Variants in ABLIM2 observed in about 807,000 individuals in gnomAD.
ABLIM2 encodes the protein actin binding LIM protein family member 2, also known as actin-binding LIM protein 2.
ABLIM2 carries 53 observed loss-of-function variants against 97.7 expected under a neutral mutation model. That is an observed-to-expected ratio of 0.54 (90% CI 0.44 to 0.68). The LOEUF (loss-of-function observed/expected upper bound fraction) is 0.68, where lower values mean the gene tolerates loss of function less well. Among genes scored for constraint, ABLIM2 ranks in the 30% least tolerant of loss-of-function variants. The pLI is 0.00. For synonymous variants in ABLIM2, 361 were observed against 345.8 expected (o/e 1.04, Z -0.49); for missense variants, 835 against 867.2 (o/e 0.96, Z 0.47).
At chr4:8,028,921 T>C (rs1275859974) in intron 11 of ABLIM2, among the ~76,000 whole-genome samples, 5 of 152,202 alleles carry the variant, frequency 3.3e-5, no homozygotes, top group Admixed American at 6.5e-5. Context: ...CATGGATGTA[T>C]AAATGGAGGC....
intron 8 of ABLIM2, among the ~76,000 whole-genome samples, chr4:8,051,240 T>C (rs940593745): frequency 1.3e-5 from 2 of 152,074 alleles, no homozygotes; most frequent in African/African-American, 2.4e-5. Flanking sequence ...TTCAGTGTGG[T>C]AGGAGTTATT....
At chr4:8,138,796 G>A (rs959972279) in intron 1 of ABLIM2, among the ~76,000 whole-genome samples, 5 of 152,200 alleles carry the variant, frequency 3.3e-5, no homozygotes, top group Non-Finnish European at 7.3e-5. Context: ...CAGGACACAG[G>A]TATGGGCAAA....
Position 7,980,203 on chromosome 4 carries a change from G to A in ABLIM2, c.1824+3061C>T, listed in dbSNP as rs563600896. Among the ~76,000 whole-genome samples, 5 of 152,262 alleles carry A rather than the reference G, an allele frequency of 3.3e-5. No homozygotes were observed. In the East Asian group the frequency reaches 5.8e-4, roughly 18 times the overall value. Reference sequence around the variant, plus strand: ...TACAAACCTAGTTCAGGCCATGAAGGGAAGAGGGGGCGAGTCAGACATGTC... The same window carrying A: ...TACAAACCTAGTTCAGGCCATGAAGAGAAGAGGGGGCGAGTCAGACATGTC... On this transcript the variant is annotated intron_variant, in intron 20 of 20. Coordinates refer to ENST00000447017, the MANE Select transcript of ABLIM2 (RefSeq NM_001130083.2).
intron 6 of ABLIM2, among the ~76,000 whole-genome samples, chr4:8,064,761 G>A (rs1805894032): frequency 6.6e-6 from 1 of 152,042 alleles, no homozygotes; most frequent in South Asian, 2.1e-4. Context: ...GTGCCCTTGG[G>A]GACTCACGGG....
intron 6 of ABLIM2, among the ~76,000 whole-genome samples, chr4:8,063,578 C>T (rs1016264268): frequency 5.9e-5 from 9 of 152,236 alleles, no homozygotes; most frequent in Non-Finnish European, 7.3e-5. Context: ...GGTAGAGCTG[C>T]GGTTACAGTC....
chr4:8,109,254 A>G (rs13140095), intron 1 of ABLIM2, among the ~76,000 whole-genome samples: 27,674 of 152,212 alleles, frequency 0.18, 3,260 homozygotes, highest in Non-Finnish European at 0.26. Context: ...GGCAGCCTGC[A>G]GGTGATGGGG....
intron 3 of ABLIM2, among the ~76,000 whole-genome samples, chr4:8,090,049 T>C (rs958045255): frequency 3.3e-5 from 5 of 152,202 alleles, no homozygotes; most frequent in African/African-American, 9.6e-5. Context: ...GGTGTGTTCC[T>C]GGGTTCCCAC....
chr4:8,144,772 C>T (rs1430481667), intron 1 of ABLIM2, among the ~76,000 whole-genome samples: 1 of 152,246 alleles, frequency 6.6e-6, no homozygotes, highest in African/African-American at 2.4e-5. Context: ...TTATGACCCC[C>T]GCTATGCTGC....
Position 8,005,547 on chromosome 4 carries a change from ACCCCG to A in ABLIM2, c.1618+2507_1618+2511del. ...GGGCTACTTGGTGACAATCAAAAGA[ACCCCG>A]AGAGAAAAAAAAGGGTGGCTCCCTC... On this transcript the variant is annotated intron_variant, in intron 16 of 20. Coordinates refer to ENST00000447017, the MANE Select transcript of ABLIM2 (RefSeq NM_001130083.2). This position sits in a 1 kb window ranked among gnomAD's most constrained non-coding sequence, Gnocchi z 4.9. The A allele has an allele frequency of 6.1e-6, 3 of 489,446 alleles. No individual in the cohort carries two copies. Among genetic ancestry groups the A allele is most frequent in the Admixed American group, 4.1e-5 (2 of 49,268 alleles). 30.3% of individuals were successfully genotyped at this position (489,446 alleles called of 1,614,324 possible).
Position 8,114,075 on chromosome 4 carries a change from G to A in ABLIM2, c.11-7438C>T, listed in dbSNP as rs557622015. Among the ~76,000 whole-genome samples the A allele has an allele frequency of 4.6e-5, 7 of 152,362 alleles. No individual in the cohort carries two copies. The East Asian group carries it at 9.7e-4, about 21-fold the overall frequency. On this transcript the variant is annotated intron_variant, in intron 1 of 20. Coordinates refer to ENST00000447017, the MANE Select transcript of ABLIM2 (RefSeq NM_001130083.2). ...CTCAGCTCACCTTCATTGCGGCACA[G>A]CCCTGACACATGGGTGGCTGCTGTC...
At position 8,077,648 on chromosome 4, in the gene ABLIM2, T is replaced by G. The variant is rs370110522; in HGVS notation, c.655A>C (p.Ile219Leu). The G allele has an allele frequency of 6.2e-7, 1 of 1,612,174 alleles. No individual in the cohort carries two copies. Among genetic ancestry groups the G allele is most frequent in the African/African-American group, 1.3e-5 (1 of 74,916 alleles). Residue 219 changes from isoleucine (I) to leucine (L), a missense_variant, in exon 6 of 21, where the codon ATC becomes CTC. Transcript: ENST00000447017. The stretch of plus-strand genomic sequence containing the variant: ...CTTACCTCCAGCACGCGCCCCGTGA[T>G]GTATTTCTCACAGCTGTCACAGCGG... ...GIRCDSCEKY[I>L]TGRVLEAGEK...
intron 1 of ABLIM2, among the ~76,000 whole-genome samples, chr4:8,136,953 G>A (rs772461894): frequency 3.9e-5 from 6 of 152,180 alleles, no homozygotes; most frequent in Non-Finnish European, 7.4e-5. Flanking sequence ...TAGGAGCTGG[G>A]CCCTTGGGAG....
intron 14 of ABLIM2, among the ~76,000 whole-genome samples, chr4:8,017,901 G>A (rs192363374): frequency 6.6e-6 from 1 of 152,086 alleles, no homozygotes; most frequent in South Asian, 2.1e-4. Context: ...GCTGAGGCAG[G>A]AGAATTGCTT....
intron 8 of ABLIM2, among the ~76,000 whole-genome samples, chr4:8,047,235 G>C (rs1468538246): frequency 1.3e-5 from 2 of 152,140 alleles, no homozygotes; most frequent in Non-Finnish European, 2.9e-5. Context: ...GGAGGGAGTG[G>C]GCATGACACT....
rs969027311 is a variant in ABLIM2, at chr4:8,058,400, C to A, written c.763+2567G>T. Among the ~76,000 whole-genome samples, 1 of 152,216 alleles carries A rather than the reference C, an allele frequency of 6.6e-6. No individual in the cohort carries two copies. The highest frequency in any genetic ancestry group is 1.5e-5 in the Non-Finnish European group (1 of 68,030). On this transcript the variant is annotated intron_variant, in intron 7 of 20. Coordinates refer to ENST00000447017, the MANE Select transcript of ABLIM2 (RefSeq NM_001130083.2). The surrounding 1 kb of genome is among the most constrained non-coding windows in gnomAD (Gnocchi z 4.2). ...GCCTGTGTGATCCACGGCCCTGTGA[C>A]AATGGCCGCATGAGGTCATTCAACA...
Position 8,060,963 on chromosome 4 carries a change from G to A in ABLIM2, c.763+4C>T, listed in dbSNP as rs10938683. On this transcript the variant is annotated splice_donor_region_variant and intron_variant, in intron 7 of 20. Transcript: ENST00000447017. ...GGGACCAAACAACACATTTTAATTT[G>A]TACCTTGAAGATACATCTCTTCGCC... The A allele has an allele frequency of 0.65, 1,028,763 of 1,575,636 alleles. 340,197 individuals carry two copies. Among genetic ancestry groups the A allele is most frequent in the East Asian group, 0.94 (40,659 of 43,168 alleles).
intron 1 of ABLIM2, among the ~76,000 whole-genome samples, chr4:8,133,564 C>A (rs1224504166): frequency 6.6e-6 from 1 of 152,154 alleles, no homozygotes; most frequent in African/African-American, 2.4e-5. Flanking sequence ...ACTAGGCCTC[C>A]CAGGTTGAGA....
intron 8 of ABLIM2, among the ~76,000 whole-genome samples, chr4:8,047,358 T>TCCTCC (rs1491555458): frequency 2.0e-5 from 3 of 149,040 alleles, no homozygotes; most frequent in South Asian, 4.3e-4. Flanking sequence ...CCACCGCCTC[T>TCCTCC]TCCTCCTCCT....
At chr4:7,976,509 G>A (rs1733171673) in intron 20 of ABLIM2, among the ~76,000 whole-genome samples, 1 of 152,070 alleles carries the variant, frequency 6.6e-6, no homozygotes, top group Non-Finnish European at 1.5e-5. Context: ...CACAATCCAG[G>A]GCCCTGCAGG....
Sources: allele counts gnomAD v4.1 joint callset (sites outside exome capture counted in the v4.1 genomes callset), GRCh38; gene constraint gnomAD v4.1.1; non-coding constraint Gnocchi (gnomAD v3.1); transcripts MANE v1.5; gene names NCBI Gene and HGNC (gene_info 2026-07-23, HGNC 2026-07-21).